Variants in STARD13 observed in about 807,000 individuals in gnomAD.
STARD13 encodes the protein stAR-related lipid transfer protein 13.
Under a neutral mutation model 106.4 loss-of-function variants are expected in STARD13, and 62 were observed. The observed-to-expected ratio is 0.58, with a 90% CI of 0.48 to 0.72. The LOEUF (loss-of-function observed/expected upper bound fraction) is 0.72. Ranked by LOEUF, STARD13 falls within the 30% of genes least tolerant of loss-of-function variation. The pLI, the probability that STARD13 is intolerant of heterozygous loss-of-function variation, is 0.00. For missense variants in STARD13, 1,387 were observed against 1,424.0 expected (o/e 0.97, Z 0.42); for synonymous variants, 565 against 553.0 (o/e 1.02, Z -0.31).
chr13:33,430,163 C>A, the STARD13 span, among the ~76,000 whole-genome samples: 1 of 152,148 alleles, frequency 6.6e-6, no homozygotes, highest in Non-Finnish European at 1.5e-5. Context: ...GTGATCCACC[C>A]GCCTCGGCCT....
intron 3 of STARD13, among the ~76,000 whole-genome samples, chr13:33,150,264 T>C (rs1385279291): frequency 1.3e-5 from 2 of 152,242 alleles, no homozygotes; most frequent in Admixed American, 1.3e-4. Context: ...CCACTGAGTA[T>C]GACAGGCTAT....
At chr13:33,367,620 T>A in the STARD13 span, among the ~76,000 whole-genome samples, 1 of 152,004 alleles carries the variant, frequency 6.6e-6, no homozygotes, top group African/African-American at 2.4e-5. Flanking sequence ...AATTCTTGAG[T>A]GTCTCAGTGA....
the STARD13 span, among the ~76,000 whole-genome samples, chr13:33,467,003 G>A: frequency 6.6e-6 from 1 of 152,020 alleles, no homozygotes; most frequent in Admixed American, 6.6e-5. Flanking sequence ...CTTGTGTGTG[G>A]AAGGCAATTT....
At chr13:33,510,388 G>C in the STARD13 span, among the ~76,000 whole-genome samples, 1 of 152,262 alleles carries the variant, frequency 6.6e-6, no homozygotes, top group South Asian at 2.1e-4. Flanking sequence ...GGCAGCCAAG[G>C]GATGGAAAGA....
At chr13:33,362,040 G>A in the STARD13 span, among the ~76,000 whole-genome samples, 1 of 152,166 alleles carries the variant, frequency 6.6e-6, no homozygotes, top group Non-Finnish European at 1.5e-5. Context: ...AAATAAAAAT[G>A]TCTGATATTA....
At chr13:33,662,150 T>C in the STARD13 span, among the ~76,000 whole-genome samples, 3 of 151,164 alleles carry the variant, frequency 2.0e-5, no homozygotes, top group Non-Finnish European at 4.4e-5. Context: ...TAATCCCAGC[T>C]ACTCGGGAAG....
the STARD13 span, among the ~76,000 whole-genome samples, chr13:33,470,564 T>C: frequency 6.6e-5 from 10 of 152,366 alleles, no homozygotes; most frequent in Non-Finnish European, 1.2e-4. Flanking sequence ...TTCCTATTTC[T>C]CCACATCCTC....
At chr13:33,189,449 A>G in intron 1 of STARD13, among the ~76,000 whole-genome samples, 1 of 129,186 alleles carries the variant, frequency 7.7e-6, no homozygotes, top group Admixed American at 7.4e-5. Flanking sequence ...GAAGGAGGGA[A>G]AGCAGGAGGA....
chr13:33,203,873 C>T (rs1887224359), intron 1 of STARD13, among the ~76,000 whole-genome samples: 1 of 152,114 alleles, frequency 6.6e-6, no homozygotes, highest in Non-Finnish European at 1.5e-5. Context: ...TAATGGCATA[C>T]GTACCAAAAG....
chr13:33,255,843 G>A (rs1162476612), intron 1 of STARD13, among the ~76,000 whole-genome samples: 1 of 152,192 alleles, frequency 6.6e-6, no homozygotes, highest in African/African-American at 2.4e-5. Context: ...GAGTTGAGGA[G>A]CTAACACTAA....
the STARD13 span, among the ~76,000 whole-genome samples, chr13:33,424,007 T>C: frequency 6.6e-6 from 1 of 152,114 alleles, no homozygotes; most frequent in Non-Finnish European, 1.5e-5. Flanking sequence ...GATGAGTTGA[T>C]GTGTGCAGCA....
the STARD13 span, among the ~76,000 whole-genome samples, chr13:33,364,259 A>G: frequency 6.6e-6 from 1 of 152,214 alleles, no homozygotes; most frequent in Non-Finnish European, 1.5e-5. Context: ...TGAGGCCAAG[A>G]GTTCGAGACC....
chr13:33,354,678 T>C (rs2078109337), upstream of STARD13, among the ~76,000 whole-genome samples: 1 of 152,182 alleles, frequency 6.6e-6, no homozygotes, highest in Non-Finnish European at 1.5e-5. Context: ...GATCTGCTCC[T>C]TAGTCTAAGT....
At chr13:33,218,234 G>A (rs1323936127) in intron 1 of STARD13, among the ~76,000 whole-genome samples, 3 of 152,170 alleles carry the variant, frequency 2.0e-5, no homozygotes, top group African/African-American at 7.2e-5. Context: ...GCCAACCAGA[G>A]ATTCATTCCT....
chr13:33,644,985 G>A, the STARD13 span, among the ~76,000 whole-genome samples: 1 of 152,134 alleles, frequency 6.6e-6, no homozygotes, highest in Non-Finnish European at 1.5e-5. Context: ...ATCTTGCTGT[G>A]GTTTTATTAC....
chr13:33,226,727 A>G (rs9591610), intron 1 of STARD13, among the ~76,000 whole-genome samples: 91,004 of 151,982 alleles, frequency 0.6, 27,925 homozygotes, highest in African/African-American at 0.71. Flanking sequence ...GGGCCACCAC[A>G]CCCGGCCTCA....
chr13:33,112,146 A>C (rs1566531647), intron 9 of STARD13, among the ~76,000 whole-genome samples: 1 of 152,228 alleles, frequency 6.6e-6, no homozygotes, highest in Non-Finnish European at 1.5e-5. Context: ...CTGTTTTTCC[A>C]AAGTTTGAAA....
the STARD13 span, among the ~76,000 whole-genome samples, chr13:33,580,666 T>C: frequency 2.0e-5 from 3 of 152,114 alleles, no homozygotes; most frequent in Non-Finnish European, 4.4e-5. Flanking sequence ...GAGAAGGGTA[T>C]ATAGGAACTC....
rs747027261 is a variant in STARD13 at position 33,112,722 on chromosome 13, G to T, written c.2491C>A (p.Arg831=). Residue 831 remains arginine (R), a splice_region_variant and synonymous_variant, in exon 9 of 14, where the codon CGA becomes AGA. Transcript: ENST00000336934. ...TTGTTACTGAGAAAAAAAACCCACC[G>T]TGGAGAGCTTTCTTTCTTCAATAAA... The part of the protein sequence containing the change: ...LNLLKKESSP[R]VIQKKYATGK... 1.9e-6 allele frequency: 3 copies of T among 1,594,328 alleles called. No individual in the cohort carries two copies. Among genetic ancestry groups the T allele is most frequent in the Non-Finnish European group, 2.6e-6 (3 of 1,170,664 alleles).
Sources: gnomAD v4.1 joint callset for allele counts (sites outside exome capture counted in the v4.1 genomes callset) on GRCh38, gnomAD v4.1.1 for gene constraint, MANE v1.5 for transcripts, NCBI Gene and HGNC (gene_info 2026-07-23, HGNC 2026-07-21) for gene names.